SLC4A3: variants seen among roughly 807,000 people sequenced by gnomAD.
SLC4A3 encodes the protein anion exchange protein 3.
SLC4A3 carries 47 observed loss-of-function variants against 114.2 expected under a neutral mutation model. That is an observed-to-expected ratio of 0.41 (90% confidence interval 0.33 to 0.52). The LOEUF (loss-of-function observed/expected upper bound fraction) is 0.52, where lower values mean the gene tolerates loss of function less well. Among genes scored for constraint, SLC4A3 ranks in the 20% least tolerant of loss-of-function variants. The pLI is 0.21. For missense variants in SLC4A3, 1,312 were observed against 1,668.3 expected (o/e 0.79, Z 3.72); for synonymous variants, 693 against 710.3 (o/e 0.98, Z 0.39).
Position 219,638,993 on chromosome 2 carries a change from T to C in SLC4A3, c.3023+124T>C. ...CAGGGTGCTGGGTGGTGGGAGCTGGTGGCAATCCTTGAGGAAGAGAGTGTG... is the reference window on the plus strand; with the variant it reads ...CAGGGTGCTGGGTGGTGGGAGCTGGCGGCAATCCTTGAGGAAGAGAGTGTG... On this transcript the variant is annotated intron_variant, in intron 19 of 22. Transcript: ENST00000358055. The surrounding 1 kb of genome is among the most constrained non-coding windows in gnomAD (Gnocchi z 7.5). 1 of 1,064,430 alleles carries C rather than the reference T, an allele frequency of 9.4e-7. No homozygotes were observed. The allele number at this position is 1,064,430 out of a possible 1,614,324, so 65.9% of individuals were successfully genotyped here. A position where few individuals can be genotyped will look rare whatever the true frequency, so the allele number is the denominator to read the frequency against.
chr2:219,632,775 C>A, intron 8 of SLC4A3, 99 bp from the exon 9 acceptor site: 2 of 1,508,066 alleles, frequency 1.3e-6, no homozygotes, highest in Middle Eastern at 1.7e-4. Flanking sequence ...CTTTGCCCTT[C>A]CAGCACATTC....
chr2:219,635,852 G>T lies in SLC4A3; in HGVS notation c.2152G>T (p.Ala718Ser). The change falls in exon 14 of 23, where the codon GCA becomes TCA. Residue 718 changes from alanine (A) to serine (S), a missense_variant. Transcript: ENST00000358055. ...CVAAVLFIYF[A>S]ALSPAITFGG... The stretch of plus-strand genomic sequence containing the variant: ...GGCCGCTGTGCTCTTCATCTACTTC[G>T]CAGCCCTCAGCCCTGCCATCACCTT... The T allele has an allele frequency of 6.4e-7, 1 of 1,560,640 alleles. No individual in the cohort carries two copies. Among genetic ancestry groups the T allele is most frequent in the Non-Finnish European group, 8.7e-7 (1 of 1,155,670 alleles).
rs760599959 is a variant in SLC4A3 at position 219,629,312 on chromosome 2, A to AG, written c.392dup (p.Ala132SerfsTer5). The stretch of plus-strand genomic sequence containing the variant: ...GAGGGGACCCCTCCCATCCAGGAGG[A>AG]GGGGGGAGCTGGAGTGGATGAGGAA... On this transcript the variant is annotated frameshift_variant, in exon 4 of 23. Coordinates refer to ENST00000358055, the MANE Select transcript of SLC4A3 (RefSeq NM_005070.4). LOFTEE classifies it high-confidence loss of function. 6.2e-7 allele frequency: 1 copy of AG among 1,613,016 alleles called. No homozygotes were observed.
rs1427308525 is a variant in SLC4A3 at position 219,636,765 on chromosome 2, C to T, written c.2426C>T (p.Ala809Val). ...WLVVFVLALV[A>V]AEGSFLVRYI... ...GTGGTCTTCGTCCTTGCCCTGGTGG[C>T]CGCCGAAGGCAGCTTCCTGGTCCGC... is the stretch of plus-strand genomic sequence containing the variant. Residue 809 changes from alanine to valine, a missense_variant, in exon 16 of 23, where the codon GCC (alanine) becomes GTC (valine). Physicochemically the swap from Ala to Val is moderately conservative, Grantham distance 64. Coordinates refer to ENST00000358055, the MANE Select transcript of SLC4A3 (RefSeq NM_005070.4). The surrounding 1 kb of genome is among the most constrained non-coding windows in gnomAD (Gnocchi z 5.5). 1 of 1,613,924 alleles carries T rather than the reference C, an allele frequency of 6.2e-7. No individual in the cohort carries two copies. The highest frequency in any genetic ancestry group is 8.5e-7 in the Non-Finnish European group (1 of 1,179,938).
chr2:219,639,260 G>A lies in SLC4A3; in HGVS notation c.3024-222G>A, dbSNP rs1699234645. Among the ~76,000 whole-genome samples the A allele has an allele frequency of 6.6e-6, 1 of 152,158 alleles. No individual in the cohort carries two copies. Among genetic ancestry groups the A allele is most frequent in the Non-Finnish European group, 1.5e-5 (1 of 68,026 alleles). The stretch of plus-strand genomic sequence containing the variant: ...ATAACGTGGTAAGATCTGGCATCTG[G>A]CTTTTGTGGTGTTTTAAATATTCAC... On this transcript the variant is annotated intron_variant, in intron 19 of 22. Coordinates refer to ENST00000358055, the MANE Select transcript of SLC4A3 (RefSeq NM_005070.4). This position sits in a 1 kb window ranked among gnomAD's most constrained non-coding sequence, Gnocchi z 5.9.
Position 219,637,494 on chromosome 2 carries a change from A to G in SLC4A3, c.2536-87A>G, listed in dbSNP as rs921651837. 5.5e-6 allele frequency: 4 copies of G among 727,652 alleles called. No homozygotes were observed. The African/African-American group carries it at 7.1e-5, about 13-fold the overall frequency. 45.1% of individuals were successfully genotyped at this position (727,652 alleles called of 1,614,324 possible). A position where few individuals can be genotyped will look rare whatever the true frequency, so the allele number is the denominator to read the frequency against. ...TTGTCTGACCAGGTATTGAGGGGCCACCCTCTCTCTCACAGGTGTACTGAT... is the reference window on the plus strand; with the variant it reads ...TTGTCTGACCAGGTATTGAGGGGCCGCCCTCTCTCTCACAGGTGTACTGAT... On this transcript the variant is annotated intron_variant, in intron 16 of 22. Transcript: ENST00000358055. This position sits in a 1 kb window ranked among gnomAD's most constrained non-coding sequence, Gnocchi z 4.6.
rs1462839836 is a variant in SLC4A3, at chr2:219,638,680, A to G, written c.2857-23A>G. On this transcript the variant is annotated intron_variant, in intron 18 of 22. Transcript: ENST00000358055. The surrounding 1 kb of genome is among the most constrained non-coding windows in gnomAD (Gnocchi z 7.5). ...CTAGCATGGGGAGGCTGTGTCCCTG[A>G]ACCCTGTTTTCCTGCCATGCAGAAG... 2 of 1,611,850 alleles carry G rather than the reference A, an allele frequency of 1.2e-6. No individual in the cohort carries two copies. The highest frequency in any genetic ancestry group is 3.3e-5 in the Admixed American group (2 of 59,982).
rs1802583 is a variant in SLC4A3 at position 219,641,828 on chromosome 2, C to T, written c.*100C>T. 1,229 of 959,758 alleles carry T rather than the reference C, an allele frequency of 1.3e-3. 3 individuals carry two copies. Among genetic ancestry groups the T allele is most frequent in the Middle Eastern group, 3.0e-3 (14 of 4,642 alleles). 59.5% of individuals were successfully genotyped at this position (959,758 alleles called of 1,614,324 possible). ...CTGGGCTGGGGGGCTCCTCAGGACC[C>T]AGAGATGTGCCTGGAACCACTCCTG... On this transcript the variant is annotated 3_prime_UTR_variant, in exon 23 of 23. Transcript: ENST00000358055. This position sits in a 1 kb window ranked among gnomAD's most constrained non-coding sequence, Gnocchi z 4.0.
chr2:219,633,091 C>A, intron 9 of SLC4A3, 82 bp downstream of exon 9: 1 of 1,531,640 alleles, frequency 6.5e-7, no homozygotes, highest in Non-Finnish European at 9.0e-7. Flanking sequence ...TGGCTCCCAG[C>A]CTCTGCTTGA....
chr2:219,635,320 G>A lies in SLC4A3; in HGVS notation c.1796G>A (p.Ser599Asn), dbSNP rs1699076445. 1 of 1,614,166 alleles carries A rather than the reference G, an allele frequency of 6.2e-7. No homozygotes were observed. The highest frequency in any genetic ancestry group is 8.5e-7 in the Non-Finnish European group (1 of 1,180,022). The change falls in exon 13 of 23, where the codon AGT becomes AAT. Residue 599 changes from serine to asparagine, a missense_variant. Ser to Asn is a conservative substitution (Grantham distance 46, BLOSUM62 1). This residue lies in a region of SLC4A3 where 771 missense variants were observed against 977.7 expected (regional missense o/e 0.79). Coordinates refer to ENST00000358055, the MANE Select transcript of SLC4A3 (RefSeq NM_005070.4). ...YQADDRQDLL[S>N]AISEFLDGSI... is the part of the protein sequence containing the mutation. ...GCAGATGACCGGCAAGACCTCCTAA[G>A]TGCCATCAGCGAGTTCCTGGATGGC...
intron 10 of SLC4A3, 115 bp downstream of exon 10, chr2:219,633,572 T>C: frequency 9.7e-7 from 1 of 1,027,678 alleles, no homozygotes; most frequent in Admixed American, 3.2e-5. Flanking sequence ...GGCATCATGC[T>C]GGGCATTCGG....
chr2:219,638,768 C>A lies in SLC4A3; in HGVS notation c.2922C>A (p.Pro974=). Residue 974 remains proline (P), a synonymous_variant, in exon 19 of 23, where the codon CCC becomes CCA. Coordinates refer to ENST00000358055, the MANE Select transcript of SLC4A3 (RefSeq NM_005070.4). This position sits in a 1 kb window ranked among gnomAD's most constrained non-coding sequence, Gnocchi z 7.5. ...SPDKRSWFIP[P]LGSARPFPPW... ...ATAAGCGCTCGTGGTTCATCCCACC[C>A]CTGGGCAGTGCCCGTCCTTTCCCGC... 1 of 1,614,156 alleles carries A rather than the reference C, an allele frequency of 6.2e-7. No homozygotes were observed. Among genetic ancestry groups the A allele is most frequent in the East Asian group, 2.2e-5 (1 of 44,856 alleles).
chr2:219,638,964 G>A lies in SLC4A3; in HGVS notation c.3023+95G>A. On this transcript the variant is annotated intron_variant, in intron 19 of 22. Transcript: ENST00000358055. The surrounding 1 kb of genome is among the most constrained non-coding windows in gnomAD (Gnocchi z 7.5). ...GGTTATAGCAGGGACATCATTATCA[G>A]TATCAGGGTGCTGGGTGGTGGGAGC... The A allele has an allele frequency of 7.4e-7, 1 of 1,351,390 alleles. No homozygotes were observed. The highest frequency in any genetic ancestry group is 1.0e-6 in the Non-Finnish European group (1 of 970,054). The allele number at this position is 1,351,390 out of a possible 1,614,324, so 83.7% of individuals were successfully genotyped here. A position where few individuals can be genotyped will look rare whatever the true frequency, so the allele number is the denominator to read the frequency against.
At position 219,630,146 on chromosome 2, in the gene SLC4A3, T is replaced by TCCCCAGCTC; in HGVS notation, c.613_621dup. On this transcript the variant is annotated splice_polypyrimidine_tract_variant and splice_region_variant and intron_variant, in intron 5 of 22. Transcript: ENST00000358055. This position sits in a 1 kb window ranked among gnomAD's most constrained non-coding sequence, Gnocchi z 6.9. ...TCAAGTCCAAGGCTGCTGTGTTGCC[T>TCCCCAGCTC]CCCCAGCTCCCCCAGCCCCCGGGCC... The TCCCCAGCTC allele has an allele frequency of 1.2e-6, 2 of 1,612,248 alleles. No individual in the cohort carries two copies. The highest frequency in any genetic ancestry group is 1.7e-6 in the Non-Finnish European group (2 of 1,179,424).
intron 4 of SLC4A3, 54 bp downstream of exon 4, chr2:219,629,475 A>G: frequency 6.3e-7 from 1 of 1,599,064 alleles, no homozygotes; most frequent in Non-Finnish European, 8.6e-7. Context: ...AGGGGTACAG[A>G]GAGGAGGAGA....
intron 11 of SLC4A3, 134 bp downstream of exon 11, chr2:219,634,113 C>A: frequency 9.3e-7 from 1 of 1,080,348 alleles, no homozygotes; most frequent in Non-Finnish European, 1.3e-6. Flanking sequence ...CCCTGCTCTT[C>A]CTCACAACCT....
At chr2:219,633,485 A>G in intron 10 of SLC4A3, 28 bp downstream of exon 10, 1 of 1,497,610 alleles carries the variant, frequency 6.7e-7, no homozygotes, top group South Asian at 1.4e-5. Flanking sequence ...GGCTTGGGCC[A>G]GGGGACTGAG....
Position 219,640,449 on chromosome 2 carries a change from G to T in SLC4A3, c.3297G>T (p.Gly1099=). Residue 1099 remains glycine, a synonymous_variant, in exon 21 of 23, where the codon GGG becomes GGT. Coordinates refer to ENST00000358055, the MANE Select transcript of SLC4A3 (RefSeq NM_005070.4). ...CTCCAGGCCTGTCCATCGTCATGGG[G>T]GCTGTGCTGCGTCGGATCCCATTGG... The part of the protein sequence containing the change: ...ASLVGLSIVM[G]AVLRRIPLAV... The T allele has an allele frequency of 1.2e-6, 2 of 1,613,868 alleles. No individual in the cohort carries two copies. The highest frequency in any genetic ancestry group is 1.7e-6 in the Non-Finnish European group (2 of 1,179,842).
intron 20 of SLC4A3, among the ~76,000 whole-genome samples, 149 bp from the exon 21 acceptor site, chr2:219,640,267 GCCAAGTTGATTGGT>G (rs1386462590): frequency 7.4e-6 from 1 of 134,522 alleles, no homozygotes; most frequent in Non-Finnish European, 1.5e-5. Flanking sequence ...GGGTGATAAG[GCCAAGTTGATTGGT>G]CCAGTGGGTC....
Sources: gnomAD v4.1 joint callset for allele counts (sites outside exome capture counted in the v4.1 genomes callset) on GRCh38, gnomAD v4.1.1 for gene constraint, gnomAD v4.1.1 regional missense constraint, Gnocchi (gnomAD v3.1) non-coding constraint, MANE v1.5 for transcripts, NCBI Gene and HGNC (gene_info 2026-07-23, HGNC 2026-07-21) for gene names.